C20orf203: variants seen among roughly 807,000 people sequenced by gnomAD.
C20orf203 encodes uncharacterized protein C20orf203.
C20orf203 carries 16 observed loss-of-function variants against 15.9 expected under a neutral mutation model. That is an observed-to-expected ratio of 1.01 (90% CI 0.68 to 1.53). C20orf203 has a LOEUF of 1.53. Among genes scored for constraint, C20orf203 ranks in the 40% most tolerant of loss-of-function variants. The pLI, the probability that C20orf203 is intolerant of heterozygous loss-of-function variation, is 0.00. For synonymous variants in C20orf203, 98 were observed against 97.2 expected (o/e 1.01, Z -0.05); for missense variants, 263 against 247.5 (o/e 1.06, Z -0.42).
chr20:32,671,966 C>T (rs1004163593), intron 1 of C20orf203, among the ~76,000 whole-genome samples: 2 of 151,690 alleles, frequency 1.3e-5, no homozygotes, highest in African/African-American at 4.8e-5. Context: ...TAAAAATGTC[C>T]GGAGGTCTTC....
chr20:32,648,542 G>A (rs557817322), intron 4 of C20orf203, among the ~76,000 whole-genome samples: 2 of 138,294 alleles, frequency 1.4e-5, no homozygotes, highest in South Asian at 2.4e-4. Context: ...CCAGGTTCAC[G>A]CCATTCTTCT....
chr20:32,632,564 G>A lies in C20orf203; in HGVS notation c.*3006C>T, dbSNP rs546007242. ...AGAAGCGCTCCCCACAAAGTGCGCT[G>A]TATCTGGCCTTTTTCACAAAAAAAA... On this transcript the variant is annotated 3_prime_UTR_variant, in exon 6 of 6. Transcript: ENST00000608990. 6.6e-6 allele frequency: 1 copy of A among 152,294 alleles called. No homozygotes were observed. The highest frequency in any genetic ancestry group is 2.1e-4 in the South Asian group (1 of 4,830). The allele number at this position is 152,294 out of a possible 1,614,324, so 9.4% of individuals were successfully genotyped here. A position where few individuals can be genotyped will look rare whatever the true frequency, so the allele number is the denominator to read the frequency against.
At chr20:32,651,349 A>G (rs1982622901) in intron 2 of C20orf203, among the ~76,000 whole-genome samples, 183 bp from the exon 3 acceptor site, 1 of 149,372 alleles carries the variant, frequency 6.7e-6, no homozygotes, top group Non-Finnish European at 1.5e-5. Context: ...ACCCTATTCA[A>G]AAAAAAAAAG....
intron 4 of C20orf203, among the ~76,000 whole-genome samples, chr20:32,645,265 C>T (rs1982392796): frequency 6.6e-6 from 1 of 152,182 alleles, no homozygotes; most frequent in Non-Finnish European, 1.5e-5. Flanking sequence ...TATGCTAAGC[C>T]AAAGGCCATG....
chr20:32,662,122 G>C (rs1417169184), intron 1 of C20orf203, among the ~76,000 whole-genome samples: 3 of 152,196 alleles, frequency 2.0e-5, no homozygotes, highest in Non-Finnish European at 4.4e-5. Flanking sequence ...CAGGATGATG[G>C]CACCCAATCT....
At chr20:32,637,964 ATGTGTCTGTGCG>A in intron 5 of C20orf203, among the ~76,000 whole-genome samples, 1 of 151,406 alleles carries the variant, frequency 6.6e-6, no homozygotes, top group South Asian at 2.1e-4. Flanking sequence ...GTGTGCGCCC[ATGTGTCTGTGCG>A]TGTGTGTGCA....
At chr20:32,665,372 C>T (rs1982993296) in intron 1 of C20orf203, among the ~76,000 whole-genome samples, 1 of 152,206 alleles carries the variant, frequency 6.6e-6, no homozygotes, top group Non-Finnish European at 1.5e-5. Context: ...AACCAGGTGC[C>T]AGACCAAGAG....
chr20:32,640,741 G>C (rs768015850), intron 4 of C20orf203, 54 bp from the exon 5 acceptor site: 5 of 152,002 alleles, frequency 3.3e-5, no homozygotes, highest in Non-Finnish European at 7.4e-5. Flanking sequence ...ACAAACTTTA[G>C]AGTATTTTCA....
intron 1 of C20orf203, among the ~76,000 whole-genome samples, chr20:32,654,438 A>G (rs920922202): frequency 6.6e-6 from 1 of 152,250 alleles, no homozygotes; most frequent in African/African-American, 2.4e-5. Flanking sequence ...TTCAGATTCA[A>G]CACAATCTCC....
chr20:32,671,840 C>CAAAAAA (rs869043468), intron 1 of C20orf203, among the ~76,000 whole-genome samples: 1 of 66,308 alleles, frequency 1.5e-5, no homozygotes, highest in African/African-American at 6.6e-5. Flanking sequence ...ACTCTGTCTC[C>CAAAAAA]AAAAAAAAAA....
At chr20:32,635,278 T>C (rs1209729960) in intron 5 of C20orf203, among the ~76,000 whole-genome samples, 1 of 151,584 alleles carries the variant, frequency 6.6e-6, no homozygotes, top group African/African-American at 2.4e-5. Context: ...GGCAGGCAGA[T>C]CATGAGGTCA....
chr20:32,639,525 C>A (rs1468345384), intron 5 of C20orf203, among the ~76,000 whole-genome samples: 1 of 151,986 alleles, frequency 6.6e-6, no homozygotes, highest in Admixed American at 6.6e-5. Context: ...CCTGTAGTCC[C>A]AGCTACTCAA....
intron 4 of C20orf203, among the ~76,000 whole-genome samples, chr20:32,645,342 G>A (rs900549024): frequency 3.9e-5 from 6 of 152,178 alleles, no homozygotes; most frequent in Non-Finnish European, 5.9e-5. Context: ...CTGGCATCCC[G>A]CCCGGCTCAC....
At position 32,632,082 on chromosome 20, in the gene C20orf203, C is replaced by T. The variant is rs1412668012; in HGVS notation, c.*3488G>A. 6 of 152,298 alleles carry T rather than the reference C, an allele frequency of 3.9e-5. No individual in the cohort carries two copies. Among genetic ancestry groups the T allele is most frequent in the Non-Finnish European group, 8.8e-5 (6 of 68,098 alleles). 9.4% of individuals were successfully genotyped at this position (152,298 alleles called of 1,614,324 possible). ...GCAGGCAGAGAAGGGAGCCAGTGACCTCTAGGACCCCCAGGGCTTAGGCAG... is the reference window on the plus strand; with the variant it reads ...GCAGGCAGAGAAGGGAGCCAGTGACTTCTAGGACCCCCAGGGCTTAGGCAG... On this transcript the variant is annotated 3_prime_UTR_variant, in exon 6 of 6. Transcript: ENST00000608990.
chr20:32,658,751 A>T (rs890242432), intron 1 of C20orf203, among the ~76,000 whole-genome samples: 4 of 151,726 alleles, frequency 2.6e-5, no homozygotes, highest in African/African-American at 4.9e-5. Context: ...GTAGGTGGGG[A>T]ATGACACTGG....
rs1231808138 is a variant in C20orf203, at chr20:32,633,054, G to A, written c.*2516C>T. The A allele has an allele frequency of 6.6e-6, 1 of 152,106 alleles. No homozygotes were observed. Among genetic ancestry groups the A allele is most frequent in the Admixed American group, 6.6e-5 (1 of 15,264 alleles). The allele number at this position is 152,106 out of a possible 1,614,324, so 9.4% of individuals were successfully genotyped here. A position where few individuals can be genotyped will look rare whatever the true frequency, so the allele number is the denominator to read the frequency against. On this transcript the variant is annotated 3_prime_UTR_variant, in exon 6 of 6. Coordinates refer to ENST00000608990, the MANE Select transcript of C20orf203 (RefSeq NM_182584.4). ...CACTCACTATCATGAGAACAGCATGGGGGAAACTGCCACCATTATTCAATT... is the reference window on the plus strand; with the variant it reads ...CACTCACTATCATGAGAACAGCATGAGGGAAACTGCCACCATTATTCAATT...
At chr20:32,667,957 C>T (rs1263676815) in intron 1 of C20orf203, among the ~76,000 whole-genome samples, 10 of 152,194 alleles carry the variant, frequency 6.6e-5, no homozygotes, top group South Asian at 2.1e-4. Context: ...GCATGAGCCA[C>T]GGCGCCAGGC....
At chr20:32,648,358 C>T (rs1413029308) in intron 4 of C20orf203, among the ~76,000 whole-genome samples, 1 of 151,738 alleles carries the variant, frequency 6.6e-6, no homozygotes, top group Non-Finnish European at 1.5e-5. Context: ...CGAAATGCCC[C>T]AATCCCTATT....
intron 1 of C20orf203, among the ~76,000 whole-genome samples, chr20:32,653,096 C>T (rs1463942442): frequency 1.3e-5 from 2 of 152,142 alleles, no homozygotes; most frequent in East Asian, 1.9e-4. Context: ...TGGTCTGGGG[C>T]GCCCTCTGGT....
Sources: allele counts gnomAD v4.1 joint callset (sites outside exome capture counted in the v4.1 genomes callset), GRCh38; gene constraint gnomAD v4.1.1; transcripts MANE v1.5; gene names NCBI Gene and HGNC (gene_info 2026-07-23, HGNC 2026-07-21).